The following IQSEC1 variants were observed in gnomAD, a reference collection of about 807,000 sequenced individuals.
IQSEC1 encodes IQ motif and SEC7 domain-containing protein 1.
IQSEC1 carries 31 observed loss-of-function variants against 91.0 expected under a neutral mutation model. The ratio of observed to expected loss-of-function variants is 0.34; its 90% CI spans 0.26 to 0.46. The LOEUF is 0.46. Ranked by LOEUF, IQSEC1 falls within the 20% of genes least tolerant of loss-of-function variation. The pLI, the probability that IQSEC1 is intolerant of heterozygous loss-of-function variation, is 1.00. For missense variants in IQSEC1, 1,388 were observed against 1,575.6 expected (o/e 0.88, Z 2.02); for synonymous variants, 699 against 662.6 (o/e 1.05, Z -0.84).
chr3:13,254,989 C>T (rs907624716), intron 1 of IQSEC1, among the ~76,000 whole-genome samples: 4 of 152,234 alleles, frequency 2.6e-5, no homozygotes, highest in Admixed American at 2.0e-4. Flanking sequence ...ACACAGCCCT[C>T]CCCCAACCTC....
At chr3:13,234,880 C>A (rs1052438184) in intron 1 of IQSEC1, among the ~76,000 whole-genome samples, 1 of 152,174 alleles carries the variant, frequency 6.6e-6, no homozygotes, top group Admixed American at 6.5e-5. Flanking sequence ...TCTCTCTCTC[C>A]CTGACTGTAC....
chr3:13,008,866 G>A lies in IQSEC1; in HGVS notation c.23+64126C>T, dbSNP rs1357534666. Among the ~76,000 whole-genome samples the A allele has an allele frequency of 6.6e-6, 1 of 152,184 alleles. No individual in the cohort carries two copies. The highest frequency in any genetic ancestry group is 1.5e-5 in the Non-Finnish European group (1 of 68,028). On this transcript the variant is annotated intron_variant, in intron 1 of 13. Transcript: ENST00000613206. This position sits in a 1 kb window ranked among gnomAD's most constrained non-coding sequence, Gnocchi z 4.1. ...GACACGCTGGCAAACCCCATCCCAC[G>A]GGCTAGGCTTTCAGTTAACCCTCTC...
intron 2 of IQSEC1, among the ~76,000 whole-genome samples, chr3:13,149,733 C>T (rs2124956686): frequency 6.6e-6 from 1 of 152,250 alleles, no homozygotes; most frequent in African/African-American, 2.4e-5. Context: ...CTGTGTTCCC[C>T]TCTGTCCGCT....
intron 1 of IQSEC1, among the ~76,000 whole-genome samples, chr3:13,261,402 C>A (rs752692944): frequency 5.3e-5 from 8 of 152,222 alleles, no homozygotes; most frequent in Non-Finnish European, 1.0e-4. Flanking sequence ...GCAGAGACCA[C>A]GCCATGCCCC....
intron 1 of IQSEC1, among the ~76,000 whole-genome samples, chr3:13,055,441 C>G (rs1704842496): frequency 6.6e-6 from 1 of 152,196 alleles, no homozygotes. Context: ...GCCCCCAATT[C>G]CAGGTCTAAG....
intron 1 of IQSEC1, among the ~76,000 whole-genome samples, chr3:12,965,791 C>T (rs1700524398): frequency 6.6e-6 from 1 of 152,190 alleles, no homozygotes; most frequent in Non-Finnish European, 1.5e-5. Flanking sequence ...AGAAACCCCT[C>T]CCCAGTTACT....
At chr3:12,919,428 C>T (rs1367300019) in intron 6 of IQSEC1, among the ~76,000 whole-genome samples, 2 of 152,296 alleles carry the variant, frequency 1.3e-5, no homozygotes, top group African/African-American at 4.8e-5. Context: ...GAGGCCTCTG[C>T]TACCTGGGTT....
chr3:13,196,716 G>A (rs971903881), intron 1 of IQSEC1, among the ~76,000 whole-genome samples: 4 of 151,656 alleles, frequency 2.6e-5, no homozygotes, highest in Non-Finnish European at 2.9e-5. Flanking sequence ...AATATCCCTG[G>A]CATGCGCGTG....
intron 1 of IQSEC1, among the ~76,000 whole-genome samples, chr3:12,975,814 AG>A (rs1559691020): frequency 6.6e-6 from 1 of 152,256 alleles, no homozygotes; most frequent in Admixed American, 6.5e-5. Context: ...ATGAGAACCC[AG>A]GACTGAGTCC....
At chr3:13,167,356 C>T (rs1693516664) in intron 1 of IQSEC1, among the ~76,000 whole-genome samples, 1 of 152,190 alleles carries the variant, frequency 6.6e-6, no homozygotes, top group African/African-American at 2.4e-5. Context: ...AGCTGCCCAG[C>T]ACCTCACTAT....
upstream of IQSEC1, among the ~76,000 whole-genome samples, chr3:13,076,134 G>T (rs1705557643): frequency 6.6e-6 from 1 of 152,136 alleles, no homozygotes; most frequent in South Asian, 2.1e-4. Flanking sequence ...TGGGAAGCAG[G>T]GGCAGCCAGC....
At chr3:13,172,663 G>C (rs1041037341) in intron 1 of IQSEC1, among the ~76,000 whole-genome samples, 1 of 152,224 alleles carries the variant, frequency 6.6e-6, no homozygotes, top group African/African-American at 2.4e-5. Flanking sequence ...TCCTCAAAGG[G>C]TTCCCTTCGA....
intron 1 of IQSEC1, among the ~76,000 whole-genome samples, chr3:13,009,746 A>G (rs1702796286): frequency 6.6e-6 from 1 of 152,046 alleles, no homozygotes; most frequent in Non-Finnish European, 1.5e-5. Context: ...GGAAACAACA[A>G]CAAAAGTGAA....
chr3:13,010,547 T>C (rs1368390481), intron 1 of IQSEC1, among the ~76,000 whole-genome samples: 1 of 151,994 alleles, frequency 6.6e-6, no homozygotes, highest in African/African-American at 2.4e-5. Context: ...GTCAAAGAGA[T>C]GGAAAAAGAG....
chr3:13,095,373 A>G (rs1705936745), intron 2 of IQSEC1, among the ~76,000 whole-genome samples: 2 of 152,106 alleles, frequency 1.3e-5, no homozygotes, highest in African/African-American at 4.8e-5. Context: ...GGGCCCAGCC[A>G]TCTGGGATTT....
intron 1 of IQSEC1, among the ~76,000 whole-genome samples, chr3:12,962,192 G>A (rs576478892): frequency 2.0e-5 from 3 of 152,302 alleles, no homozygotes; most frequent in African/African-American, 7.2e-5. Flanking sequence ...GGAGACCTTT[G>A]AGCTTAAGGG....
intron 2 of IQSEC1, among the ~76,000 whole-genome samples, chr3:13,160,973 A>C (rs1339757038): frequency 1.3e-5 from 2 of 152,246 alleles, no homozygotes; most frequent in Non-Finnish European, 2.9e-5. Flanking sequence ...AAGGCCACAG[A>C]GACAACCAGG....
chr3:13,151,212 C>T (rs574321609), intron 2 of IQSEC1, among the ~76,000 whole-genome samples: 2 of 152,320 alleles, frequency 1.3e-5, no homozygotes, highest in Admixed American at 6.5e-5. Context: ...ACATGCCCAC[C>T]TAACGTCAGG....
intron 1 of IQSEC1, among the ~76,000 whole-genome samples, chr3:12,944,250 T>C (rs1368813786): frequency 2.6e-5 from 4 of 152,208 alleles, no homozygotes; most frequent in African/African-American, 9.7e-5. Context: ...CTGGTGTGTG[T>C]GCCTTGGTAG....
Sources: gnomAD v4.1 joint callset for allele counts (sites outside exome capture counted in the v4.1 genomes callset) on GRCh38, gnomAD v4.1.1 for gene constraint, Gnocchi (gnomAD v3.1) non-coding constraint, MANE v1.5 for transcripts, NCBI Gene and HGNC (gene_info 2026-07-23, HGNC 2026-07-21) for gene names.